SUMF1: variants seen among roughly 807,000 people sequenced by gnomAD.
SUMF1 encodes sulfatase modifying factor 1.
A neutral mutation model predicts 47.6 loss-of-function variants in SUMF1; 48 were observed. The observed-to-expected ratio is 1.01, with a 90% CI of 0.80 to 1.28. The LOEUF (loss-of-function observed/expected upper bound fraction) is 1.28, where lower values mean the gene tolerates loss of function less well. SUMF1 is among the 50% of genes most tolerant of loss of function. The pLI is 0.00. For missense variants in SUMF1, 571 were observed against 485.4 expected, an observed-to-expected ratio of 1.18 and a Z score of -1.66; for synonymous variants, 230 against 192.1, an observed-to-expected ratio of 1.20 and a Z score of -1.63.
At chr3:4,280,471 T>TA (rs1157143089) in intron 8 of SUMF1, among the ~76,000 whole-genome samples, 6 of 151,456 alleles carry the variant, frequency 4.0e-5, no homozygotes, top group East Asian at 3.9e-4. Flanking sequence ...ATTTTTTTTA[T>TA]AAAGCCAGAT....
At chr3:4,088,540 C>T (rs1186489770) in intron 8 of SUMF1, among the ~76,000 whole-genome samples, 1 of 152,046 alleles carries the variant, frequency 6.6e-6, no homozygotes, top group African/African-American at 2.4e-5. Flanking sequence ...TCCCTTCCTC[C>T]TTTATTTTGT....
chr3:4,157,502 T>C (rs921254983), intron 8 of SUMF1, among the ~76,000 whole-genome samples: 2 of 151,586 alleles, frequency 1.3e-5, no homozygotes, highest in Non-Finnish European at 2.9e-5. Flanking sequence ...GTTCTCTTCT[T>C]AGTTTTATAT....
In SUMF1 at chr3:4,304,989, C is replaced by T. The variant is rs762667945; in HGVS notation, c.1014+71341G>A. Among the ~76,000 whole-genome samples the T allele has an allele frequency of 5.1e-4, 78 of 152,096 alleles. No homozygotes were observed. In the Middle Eastern group the frequency reaches 0.014, roughly 27 times the overall value. ...CAAAGTGGTGGGGGGGGCTTCCAGA[C>T]TATAGGTAGATTTTAATTTTTCTGG... is the stretch of plus-strand genomic sequence containing the variant. On this transcript the variant is annotated intron_variant and NMD_transcript_variant, in intron 8 of 12. Transcript: ENST00000448413.
rs771610035 is a variant in SUMF1 at position 4,449,392 on chromosome 3, G to A, written c.445-52C>T. On this transcript the variant is annotated intron_variant, in intron 2 of 8. Coordinates refer to ENST00000272902, the MANE Select transcript of SUMF1 (RefSeq NM_182760.4). ...CCAGAAAAGGTTGTAGTAATGTGTT[G>A]CATGTGTGCCCTTTTCTCTCCACAC... 6 of 1,556,602 alleles carry A rather than the reference G, an allele frequency of 3.9e-6. No individual in the cohort carries two copies. In the Admixed American group the frequency reaches 8.3e-5, roughly 22 times the overall value.
At chr3:4,389,289 G>A (rs1430365126) in intron 7 of SUMF1, among the ~76,000 whole-genome samples, 3 of 151,112 alleles carry the variant, frequency 2.0e-5, no homozygotes, top group African/African-American at 7.3e-5. Flanking sequence ...CATTTCCTCT[G>A]GCCTTCATGG....
intron 3 of SUMF1, among the ~76,000 whole-genome samples, chr3:4,438,143 CTATTT>C (rs1272981048): frequency 2.0e-5 from 3 of 151,412 alleles, no homozygotes; most frequent in Non-Finnish European, 4.4e-5. Context: ...GCTTTTCTTA[CTATTT>C]TAATTATTTC....
chr3:4,169,099 A>G (rs1481597299), intron 8 of SUMF1, among the ~76,000 whole-genome samples: 1 of 152,188 alleles, frequency 6.6e-6, no homozygotes, highest in Non-Finnish European at 1.5e-5. Flanking sequence ...AGATGTCTCT[A>G]TGCAGCTTTC....
At chr3:4,170,494 G>T (rs529477915) in intron 8 of SUMF1, among the ~76,000 whole-genome samples, 1 of 152,098 alleles carries the variant, frequency 6.6e-6, no homozygotes, top group Non-Finnish European at 1.5e-5. Context: ...ACAGGAGTGG[G>T]GAATAAGGAA....
rs564029394 is a variant in SUMF1, at chr3:4,363,529, G to C, written c.1015-1275C>G. On this transcript the variant is annotated intron_variant, in intron 8 of 8. Coordinates refer to ENST00000272902, the MANE Select transcript of SUMF1 (RefSeq NM_182760.4). Reference sequence around the variant, plus strand: ...TCATGATTTGGCTCTCTGTTTGTCTGTTATTGGTGTATAAGATTGCTTGTG... The same window carrying C: ...TCATGATTTGGCTCTCTGTTTGTCTCTTATTGGTGTATAAGATTGCTTGTG... Among the ~76,000 whole-genome samples the C allele has an allele frequency of 1.4e-4, 22 of 151,726 alleles. No individual in the cohort carries two copies. In the East Asian group the frequency reaches 3.9e-3, roughly 27 times the overall value.
chr3:4,259,701 A>G (rs535046926), intron 8 of SUMF1, among the ~76,000 whole-genome samples: 1 of 152,324 alleles, frequency 6.6e-6, no homozygotes, highest in South Asian at 2.1e-4. Context: ...CTCTTTGCCT[A>G]GAGCTCAGTA....
chr3:4,467,011 G>T lies in SUMF1; in HGVS notation c.235C>A (p.Pro79Thr), dbSNP rs1478827734. The T allele has an allele frequency of 1.9e-6, 3 of 1,594,506 alleles. No individual in the cohort carries two copies. The highest frequency in any genetic ancestry group is 4.5e-5 in the East Asian group (2 of 44,042). ...RYSREANAPG[P>T]VPGERQLAHS... ...GCGAGTTGCCGCTCTCCGGGTACGG[G>T]GCCCGGAGCGTTAGCCTCCCGCGAG... Residue 79 changes from proline (P) to threonine (T), a missense_variant, in exon 1 of 9, where the codon CCC (proline) becomes ACC (threonine). Coordinates refer to ENST00000272902, the MANE Select transcript of SUMF1 (RefSeq NM_182760.4).
chr3:4,378,273 T>C (rs544209527), intron 7 of SUMF1, among the ~76,000 whole-genome samples: 1 of 152,334 alleles, frequency 6.6e-6, no homozygotes, highest in South Asian at 2.1e-4. Flanking sequence ...GAATATATCA[T>C]GTAAATTGCT....
chr3:4,162,228 G>A (rs916332442), intron 8 of SUMF1, among the ~76,000 whole-genome samples: 3 of 152,152 alleles, frequency 2.0e-5, no homozygotes, highest in African/African-American at 7.2e-5. Flanking sequence ...CTCCTCAAGT[G>A]GAAGAAAGGA....
chr3:4,459,753 C>T (rs1470219518), intron 1 of SUMF1, among the ~76,000 whole-genome samples: 1 of 152,184 alleles, frequency 6.6e-6, no homozygotes, highest in Non-Finnish European at 1.5e-5. Context: ...TTTTCTACCC[C>T]CAGATAACTG....
chr3:4,079,694 T>C (rs17039793), intron 8 of SUMF1, among the ~76,000 whole-genome samples: 7,068 of 149,700 alleles, frequency 0.047, 497 homozygotes, highest in East Asian at 0.2. Context: ...GAATATCTAG[T>C]ATGCCCTAAG....
At chr3:4,143,884 T>C (rs554955502) in intron 8 of SUMF1, among the ~76,000 whole-genome samples, 1 of 152,070 alleles carries the variant, frequency 6.6e-6, no homozygotes, top group African/African-American at 2.4e-5. Flanking sequence ...TGAATCTTAA[T>C]ATACATTCTA....
At chr3:4,395,208 G>A (rs1453112830) in intron 7 of SUMF1, among the ~76,000 whole-genome samples, 1 of 152,112 alleles carries the variant, frequency 6.6e-6, no homozygotes, top group East Asian at 1.9e-4. Context: ...TCACACTGTG[G>A]CACCTGCAGG....
rs532379884 is a variant in SUMF1 at position 4,085,097 on chromosome 3, C to T, written c.1015-16352G>A. ...CAGAGACAGATTAGGGGTGGGCCAA[C>T]CATTCAGGTAATCAGGGCCCCATCA... On this transcript the variant is annotated intron_variant and NMD_transcript_variant, in intron 8 of 12. Coordinates refer to the SUMF1 transcript ENST00000448413. Among the ~76,000 whole-genome samples, 190 of 152,134 alleles carry T rather than the reference C, an allele frequency of 1.2e-3. 1 individual carries two copies. Among genetic ancestry groups the T allele is most frequent in the African/African-American group, 4.3e-3 (179 of 41,466 alleles).
At chr3:4,169,178 C>A (rs1037698235) in intron 8 of SUMF1, among the ~76,000 whole-genome samples, 4 of 152,036 alleles carry the variant, frequency 2.6e-5, no homozygotes, top group African/African-American at 9.7e-5. Flanking sequence ...TGTGAAGATT[C>A]TATCTACAAC....
Sources: allele counts gnomAD v4.1 joint callset (sites outside exome capture counted in the v4.1 genomes callset), GRCh38; gene constraint gnomAD v4.1.1; transcripts MANE v1.5; gene names NCBI Gene and HGNC (gene_info 2026-07-23, HGNC 2026-07-21).